The following RASSF5 variants were observed in gnomAD, a reference collection of about 807,000 sequenced individuals.
RASSF5 encodes ras association domain-containing protein 5.
RASSF5 carries 25 observed loss-of-function variants against 40.5 expected under a neutral mutation model. The ratio of observed to expected loss-of-function variants is 0.62; its 90% CI spans 0.45 to 0.86. The LOEUF (loss-of-function observed/expected upper bound fraction) is 0.86. Among genes scored for constraint, RASSF5 ranks in the 40% least tolerant of loss-of-function variants. The pLI is 0.00. For synonymous variants in RASSF5, 246 were observed against 252.4 expected, an observed-to-expected ratio of 0.97 and a Z score of 0.24; for missense variants, 521 against 572.8, an observed-to-expected ratio of 0.91 and a Z score of 0.92.
Position 206,507,802 on chromosome 1 carries a change from G to A in RASSF5, c.200G>A (p.Arg67Gln), listed in dbSNP as rs1553394014. 3 of 1,395,906 alleles carry A rather than the reference G, an allele frequency of 2.1e-6. No individual in the cohort carries two copies. The highest frequency in any genetic ancestry group is 1.5e-5 in the African/African-American group (1 of 65,818). 86.5% of individuals were successfully genotyped at this position (1,395,906 alleles called of 1,614,324 possible). A position where few individuals can be genotyped will look rare whatever the true frequency, so the allele number is the denominator to read the frequency against. ...REGRSARRAA[R>Q]GNLEPPPRAS... Reference sequence around the variant, plus strand: ...GGGCGCAGCGCCCGGAGGGCTGCCCGGGGGAACCTGGAGCCCCCGCCCCGG... The same window carrying A: ...GGGCGCAGCGCCCGGAGGGCTGCCCAGGGGAACCTGGAGCCCCCGCCCCGG... The change falls in exon 1 of 6, where the codon CGG (arginine) becomes CAG (glutamine). Residue 67 changes from arginine (R) to glutamine (Q), a missense_variant. Arg to Gln is a conservative substitution (Grantham distance 43). Transcript: ENST00000579436.
At chr1:206,583,574 G>C in intron 3 of RASSF5, 195 bp downstream of exon 3, 1 of 567,162 alleles carries the variant, frequency 1.8e-6, no homozygotes, top group Non-Finnish European at 3.2e-6. Flanking sequence ...TAGGGAAATA[G>C]ATCTGACTCT....
intron 2 of RASSF5, among the ~76,000 whole-genome samples, chr1:206,554,196 T>C (rs1667921940): frequency 1.3e-5 from 2 of 152,188 alleles, no homozygotes; most frequent in African/African-American, 2.4e-5. Context: ...CTAAATCTGA[T>C]CTCCACTGCT....
rs1669048279 is a variant in RASSF5 at position 206,584,896 on chromosome 1, C to G, written c.988+212C>G. On this transcript the variant is annotated intron_variant, in intron 4 of 5. Coordinates refer to ENST00000579436, the MANE Select transcript of RASSF5 (RefSeq NM_182663.4). This position sits in a 1 kb window ranked among gnomAD's most constrained non-coding sequence, Gnocchi z 4.9. ...TGCATGTGACTTCAGGAAAACCACA[C>G]CCTAGGCTCCCATTTCCTGATCTGT... is the stretch of plus-strand genomic sequence containing the variant. The G allele has an allele frequency of 1.7e-6, 1 of 605,320 alleles. No individual in the cohort carries two copies. The highest frequency in any genetic ancestry group is 1.9e-5 in the African/African-American group (1 of 53,990). The allele number at this position is 605,320 out of a possible 1,614,324, so 37.5% of individuals were successfully genotyped here.
chr1:206,563,144 T>TGG (rs1668192533), intron 2 of RASSF5, among the ~76,000 whole-genome samples: 1 of 152,050 alleles, frequency 6.6e-6, no homozygotes. Context: ...CCGGAAATGG[T>TGG]GGGTGTTTCT....
chr1:206,569,929 G>A (rs1227736831), intron 2 of RASSF5, among the ~76,000 whole-genome samples: 2 of 152,072 alleles, frequency 1.3e-5, no homozygotes, highest in Non-Finnish European at 2.9e-5. Context: ...GCTTAGATGT[G>A]GCATTGACTC....
intron 1 of RASSF5, among the ~76,000 whole-genome samples, chr1:206,522,070 T>C (rs930181171): frequency 3.9e-5 from 6 of 152,234 alleles, no homozygotes; most frequent in Admixed American, 3.9e-4. Flanking sequence ...AGGATTTCTT[T>C]TTTCCCGTGG....
intron 2 of RASSF5, among the ~76,000 whole-genome samples, chr1:206,546,205 G>C (rs2103529744): frequency 7.3e-6 from 1 of 136,310 alleles, no homozygotes; most frequent in Middle Eastern, 4.2e-3. Context: ...ACCTCCCCAA[G>C]CTCAGGTGAT....
chr1:206,535,715 GGTGT>G lies in RASSF5; in HGVS notation c.458-2431_458-2428del, dbSNP rs782619931. Among the ~76,000 whole-genome samples, 27,835 of 144,312 alleles carry G rather than the reference GGTGT, an allele frequency of 0.19. 2,864 individuals carry two copies. The highest frequency in any genetic ancestry group is 0.28 in the African/African-American group (10,822 of 38,680). 94.7% of individuals were successfully genotyped at this position (144,312 alleles called of 152,430 possible). A position where few individuals can be genotyped will look rare whatever the true frequency, so the allele number is the denominator to read the frequency against. On this transcript the variant is annotated intron_variant, in intron 1 of 5. Coordinates refer to ENST00000579436, the MANE Select transcript of RASSF5 (RefSeq NM_182663.4). This position sits in a 1 kb window ranked among gnomAD's most constrained non-coding sequence, Gnocchi z 5.0. The stretch of plus-strand genomic sequence containing the variant: ...TGTGTGTGTGTGTCTGTGTGTGTGT[GGTGT>G]GTGTGTGTGTGTGTGTGTGTGTGTG...
intron 2 of RASSF5, among the ~76,000 whole-genome samples, chr1:206,556,978 A>G (rs1195806181): frequency 7.2e-6 from 1 of 138,742 alleles, no homozygotes; most frequent in Non-Finnish European, 1.6e-5. Flanking sequence ...ATGAAGAAAG[A>G]ACAGAGGGAA....
At chr1:206,548,333 T>A (rs572295754) in intron 2 of RASSF5, among the ~76,000 whole-genome samples, 4 of 152,252 alleles carry the variant, frequency 2.6e-5, no homozygotes, top group African/African-American at 4.8e-5. Context: ...GAGGCTTTAC[T>A]CATGGCGGAA....
In RASSF5 at chr1:206,587,464, G is replaced by A. The variant is rs1669165042; in HGVS notation, c.*486G>A. 4.9e-6 allele frequency: 1 copy of A among 202,558 alleles called. No homozygotes were observed. Among genetic ancestry groups the A allele is most frequent in the Admixed American group, 5.5e-5 (1 of 18,252 alleles). The allele number at this position is 202,558 out of a possible 1,614,324, so 12.5% of individuals were successfully genotyped here. On this transcript the variant is annotated 3_prime_UTR_variant, in exon 6 of 6. Coordinates refer to ENST00000579436, the MANE Select transcript of RASSF5 (RefSeq NM_182663.4). ...TCTGAGCTAAGCCCCTGAAAGCAGG[G>A]TAATGCTCATAAAAGGACTGTTCCC...
intron 1 of RASSF5, among the ~76,000 whole-genome samples, chr1:206,525,016 A>G (rs4559502): frequency 0.62 from 94,730 of 151,646 alleles, 30,890 homozygotes; most frequent in African/African-American, 0.81. Context: ...CCTGGCAGGC[A>G]CTCCTCTTAC....
chr1:206,519,535 A>T (rs1666849290), intron 1 of RASSF5, among the ~76,000 whole-genome samples: 1 of 152,186 alleles, frequency 6.6e-6, no homozygotes. Context: ...GGTCATTGCC[A>T]TCTGGCTGGG....
Position 206,540,868 on chromosome 1 carries a change from G to A in RASSF5, c.579+2575G>A, listed in dbSNP as rs567927721. ...GGTATATATGGCTTAGGGGGGTCTC[G>A]TCTCAGTGGCATTTCTCCTCTCTGA... On this transcript the variant is annotated intron_variant, in intron 2 of 5. Transcript: ENST00000579436. Among the ~76,000 whole-genome samples, 56 of 152,168 alleles carry A rather than the reference G, an allele frequency of 3.7e-4. 1 individual carries two copies. In the South Asian group the frequency reaches 9.3e-3, roughly 25 times the overall value.
chr1:206,557,283 G>A, intron 2 of RASSF5: 1 of 1,195,418 alleles, frequency 8.4e-7, no homozygotes, highest in Non-Finnish European at 1.0e-6. Context: ...GCAGAGCCCG[G>A]ACGAGTCAGG....
At chr1:206,529,046 C>G (rs2103515731) in intron 1 of RASSF5, 1 of 898,376 alleles carries the variant, frequency 1.1e-6, no homozygotes, top group Non-Finnish European at 1.7e-6. Flanking sequence ...ACATCCAGCC[C>G]AAAAGAGACC....
At chr1:206,517,358 C>A (rs1040226366) in intron 1 of RASSF5, among the ~76,000 whole-genome samples, 22 of 152,036 alleles carry the variant, frequency 1.4e-4, no homozygotes, top group African/African-American at 5.1e-4. Context: ...ACCTGTAGTC[C>A]CAGCTACATG....
Position 206,587,246 on chromosome 1 carries a change from A to C in RASSF5, c.*268A>C. 1 of 420,704 alleles carries C rather than the reference A, an allele frequency of 2.4e-6. No homozygotes were observed. Among genetic ancestry groups the C allele is most frequent in the South Asian group, 2.1e-5 (1 of 46,634 alleles). 26.1% of individuals were successfully genotyped at this position (420,704 alleles called of 1,614,324 possible). A position where few individuals can be genotyped will look rare whatever the true frequency, so the allele number is the denominator to read the frequency against. On this transcript the variant is annotated 3_prime_UTR_variant, in exon 6 of 6. Coordinates refer to ENST00000579436, the MANE Select transcript of RASSF5 (RefSeq NM_182663.4). ...AGCTGACGTCCTCTCTCGATCTGCAAGCCTTTCACCAACCAAATAGTTGCC... is the reference window on the plus strand; with the variant it reads ...AGCTGACGTCCTCTCTCGATCTGCACGCCTTTCACCAACCAAATAGTTGCC...
intron 1 of RASSF5, among the ~76,000 whole-genome samples, chr1:206,510,256 T>TA (rs1211616623): frequency 7.9e-5 from 12 of 152,022 alleles, no homozygotes; most frequent in East Asian, 1.9e-4. Flanking sequence ...AATAGGACTT[T>TA]AAAAAAAATC....
Sources: allele counts gnomAD v4.1 joint callset (sites outside exome capture counted in the v4.1 genomes callset), GRCh38; gene constraint gnomAD v4.1.1; non-coding constraint Gnocchi (gnomAD v3.1); transcripts MANE v1.5; gene names NCBI Gene and HGNC (gene_info 2026-07-23, HGNC 2026-07-21).